Variants in MCHR2 observed in about 807,000 individuals in gnomAD.
The protein encoded by MCHR2 is melanin concentrating hormone receptor 2, also known as melanin-concentrating hormone receptor 2.
Under a neutral mutation model 24.8 loss-of-function variants are expected in MCHR2, and 15 were observed. That is an observed-to-expected ratio of 0.60 (90% CI 0.40 to 0.93). The LOEUF (loss-of-function observed/expected upper bound fraction) is 0.93, where lower values mean the gene tolerates loss of function less well. Among genes scored for constraint, MCHR2 ranks in the 40% least tolerant of loss-of-function variants. The pLI is 0.00. For missense variants in MCHR2, 386 were observed against 408.7 expected, an observed-to-expected ratio of 0.94 and a Z score of 0.48; for synonymous variants, 151 against 147.6, an observed-to-expected ratio of 1.02 and a Z score of -0.17.
chr6:99,954,800 G>A (rs572090494), intron 2 of MCHR2, among the ~76,000 whole-genome samples: 3 of 152,228 alleles, frequency 2.0e-5, no homozygotes, highest in South Asian at 2.1e-4. Flanking sequence ...AGAGAGTGAC[G>A]CCTTTACTTT....
chr6:99,974,544 C>A (rs910680578), intron 1 of MCHR2, among the ~76,000 whole-genome samples: 56 of 152,304 alleles, frequency 3.7e-4, no homozygotes, highest in Admixed American at 7.8e-4. Context: ...TTGGCTGGAG[C>A]CTTCTTCTCT....
chr6:99,969,504 T>A (rs1460405132), intron 1 of MCHR2, among the ~76,000 whole-genome samples: 1 of 145,410 alleles, frequency 6.9e-6, no homozygotes, highest in Non-Finnish European at 1.5e-5. Context: ...AAAAGAAAAC[T>A]CAAGAGAAGG....
At chr6:99,960,594 A>G (rs1775166066) in intron 1 of MCHR2, among the ~76,000 whole-genome samples, 1 of 152,204 alleles carries the variant, frequency 6.6e-6, no homozygotes, top group Admixed American at 6.5e-5. Context: ...CTACAAGGCT[A>G]CAGTAACCAA....
chr6:99,982,782 A>G (rs1433593954), intron 1 of MCHR2, among the ~76,000 whole-genome samples: 1 of 152,104 alleles, frequency 6.6e-6, no homozygotes, highest in African/African-American at 2.4e-5. Context: ...GCACTCAAAC[A>G]TTAGATGTTA....
chr6:99,984,396 G>A (rs565050606), intron 1 of MCHR2, among the ~76,000 whole-genome samples: 2 of 151,408 alleles, frequency 1.3e-5, no homozygotes, highest in Non-Finnish European at 2.9e-5. Context: ...ATCTCCTGAA[G>A]TTATCCCTCC....
intron 1 of MCHR2, among the ~76,000 whole-genome samples, chr6:99,985,179 G>A (rs1326082413): frequency 6.6e-6 from 1 of 152,044 alleles, no homozygotes; most frequent in African/African-American, 2.4e-5. Flanking sequence ...AATTAGAGAT[G>A]ACACAAACAA....
chr6:99,969,371 G>A (rs1775350678), intron 1 of MCHR2, among the ~76,000 whole-genome samples: 1 of 151,046 alleles, frequency 6.6e-6, no homozygotes, highest in South Asian at 2.1e-4. Flanking sequence ...CTAGTCAGGA[G>A]GCTGAGGCAG....
chr6:99,982,492 A>AAAT (rs59047544), intron 1 of MCHR2, among the ~76,000 whole-genome samples: 1 of 149,150 alleles, frequency 6.7e-6, no homozygotes, highest in Admixed American at 6.7e-5. Context: ...AAAAAAAAAA[A>AAAT]GCCAGGTGTG....
At chr6:99,932,595 T>C (rs1774569797) in intron 5 of MCHR2, among the ~76,000 whole-genome samples, 1 of 152,202 alleles carries the variant, frequency 6.6e-6, no homozygotes, top group Admixed American at 6.5e-5. Context: ...ACCCCTGATA[T>C]ACTGTGATGA....
chr6:99,942,191 CA>C (rs1194678238), intron 4 of MCHR2, among the ~76,000 whole-genome samples: 2 of 152,100 alleles, frequency 1.3e-5, no homozygotes, highest in African/African-American at 4.8e-5. Flanking sequence ...TAGCTTAAAA[CA>C]ATAGAAATTT....
intron 2 of MCHR2, among the ~76,000 whole-genome samples, chr6:99,950,295 CAATT>C (rs563269911): frequency 2.0e-5 from 3 of 152,038 alleles, no homozygotes; most frequent in Non-Finnish European, 1.5e-5. Flanking sequence ...AAATTAAAAA[CAATT>C]AAATAGAAAT....
chr6:99,988,229 T>C (rs1281908033), intron 1 of MCHR2, among the ~76,000 whole-genome samples: 1 of 152,176 alleles, frequency 6.6e-6, no homozygotes, highest in Non-Finnish European at 1.5e-5. Context: ...ACTTTCAAGA[T>C]TGCTTATTTC....
intron 5 of MCHR2, among the ~76,000 whole-genome samples, chr6:99,931,562 C>A (rs1403341233): frequency 6.6e-6 from 1 of 152,172 alleles, no homozygotes; most frequent in Admixed American, 6.5e-5. Flanking sequence ...CCTCCCCCAC[C>A]CTCGCTGCCG....
chr6:99,969,946 T>C (rs1312641565), intron 1 of MCHR2, among the ~76,000 whole-genome samples: 1 of 139,090 alleles, frequency 7.2e-6, no homozygotes, highest in Admixed American at 7.5e-5. Context: ...CACATTTTCT[T>C]AATCCAGTCT....
rs376963800 is a variant in MCHR2 at position 99,954,872 on chromosome 6, A to C, written c.182+1094T>G. Among the ~76,000 whole-genome samples, 10 of 152,254 alleles carry C rather than the reference A, an allele frequency of 6.6e-5. No individual in the cohort carries two copies. The East Asian group carries it at 1.9e-3, about 29-fold the overall frequency. On this transcript the variant is annotated intron_variant, in intron 2 of 5. Coordinates refer to ENST00000281806, the MANE Select transcript of MCHR2 (RefSeq NM_001040179.2). ...TAAAATTATTCAAAATATTACATAAAATTACTTTCAGGCTATGAGTATAAG... is the reference window on the plus strand; with the variant it reads ...TAAAATTATTCAAAATATTACATAACATTACTTTCAGGCTATGAGTATAAG...
chr6:99,951,666 A>T (rs1774968157), intron 2 of MCHR2, among the ~76,000 whole-genome samples: 1 of 152,080 alleles, frequency 6.6e-6, no homozygotes, highest in Non-Finnish European at 1.5e-5. Context: ...GTCAATTCCA[A>T]CAAGAGTCTG....
intron 5 of MCHR2, among the ~76,000 whole-genome samples, chr6:99,930,573 T>C (rs1021676869): frequency 7.7e-5 from 11 of 143,260 alleles, no homozygotes; most frequent in African/African-American, 2.7e-4. Flanking sequence ...TCCCTTTTGC[T>C]TCATTTCATT....
intron 1 of MCHR2, among the ~76,000 whole-genome samples, chr6:99,964,420 G>A (rs1775253952): frequency 6.6e-6 from 1 of 152,118 alleles, no homozygotes; most frequent in Non-Finnish European, 1.5e-5. Context: ...ATAAAGGAAA[G>A]AGGTTTAGTT....
chr6:99,963,239 CA>C (rs372109974), intron 1 of MCHR2, among the ~76,000 whole-genome samples: 55 of 152,160 alleles, frequency 3.6e-4, no homozygotes, highest in African/African-American at 1.2e-3. Context: ...GGAGGTTCCT[CA>C]AGCCAACAGG....
Sources: gnomAD v4.1 joint callset for allele counts (sites outside exome capture counted in the v4.1 genomes callset) on GRCh38, gnomAD v4.1.1 for gene constraint, MANE v1.5 for transcripts, NCBI Gene and HGNC (gene_info 2026-07-23, HGNC 2026-07-21) for gene names.